Variants in DPP10 observed in about 807,000 individuals in gnomAD.
DPP10 encodes inactive dipeptidyl peptidase 10.
In DPP10, 33 loss-of-function variants were observed where a neutral mutation model predicts 120.9. The ratio of observed to expected loss-of-function variants is 0.27; its 90% CI spans 0.21 to 0.37. The LOEUF (loss-of-function observed/expected upper bound fraction) is 0.37, where lower values mean the gene tolerates loss of function less well. DPP10 is among the 10% of genes least tolerant of loss of function. The pLI is 1.00. For missense variants in DPP10, 816 were observed against 942.8 expected (o/e 0.87, Z 1.76); for synonymous variants, 337 against 326.1 (o/e 1.03, Z -0.36).
chr2:115,368,973 G>A (rs2065239301), intron 3 of DPP10, among the ~76,000 whole-genome samples: 1 of 151,724 alleles, frequency 6.6e-6, no homozygotes, highest in Non-Finnish European at 1.5e-5. Flanking sequence ...ATTTTCTCAA[G>A]AAAATTGACC....
chr2:115,486,147 T>C (rs1449484510), intron 3 of DPP10, among the ~76,000 whole-genome samples: 1 of 152,166 alleles, frequency 6.6e-6, no homozygotes, highest in Non-Finnish European at 1.5e-5. Flanking sequence ...TAAAAAATTA[T>C]TGTCTTTGAC....
chr2:115,488,874 G>C (rs1293122022), intron 3 of DPP10, among the ~76,000 whole-genome samples: 1 of 39,258 alleles, frequency 2.5e-5, no homozygotes, highest in African/African-American at 5.1e-5. Flanking sequence ...AAAACTTAGA[G>C]TATAATAAAA....
At chr2:114,810,803 C>T (rs1685110291) in intron 1 of DPP10, among the ~76,000 whole-genome samples, 1 of 152,178 alleles carries the variant, frequency 6.6e-6, no homozygotes, top group Admixed American at 6.5e-5. Context: ...TCCTCTAAGA[C>T]TCCTCTGCTA....
At chr2:114,726,329 T>C (rs1161123207) in intron 1 of DPP10, among the ~76,000 whole-genome samples, 1 of 152,088 alleles carries the variant, frequency 6.6e-6, no homozygotes, top group South Asian at 2.1e-4. Context: ...TCTCCTCAAA[T>C]TGATGTCCAG....
intron 1 of DPP10, among the ~76,000 whole-genome samples, chr2:115,043,151 G>C (rs115305881): frequency 6.6e-6 from 1 of 151,948 alleles, no homozygotes; most frequent in African/African-American, 2.4e-5. Flanking sequence ...TTTTTTTAGA[G>C]CCTCTGACTG....
intron 1 of DPP10, among the ~76,000 whole-genome samples, chr2:114,805,540 A>G (rs1684650472): frequency 6.6e-6 from 1 of 152,228 alleles, no homozygotes; most frequent in African/African-American, 2.4e-5. Flanking sequence ...AAACACTTTC[A>G]GTACTTAACG....
intron 1 of DPP10, among the ~76,000 whole-genome samples, chr2:114,931,426 G>T (rs1046973831): frequency 4.6e-5 from 7 of 152,164 alleles, no homozygotes; most frequent in Admixed American, 3.3e-4. Context: ...GTGAGGCCAT[G>T]CCTTGCTCTT....
chr2:115,840,311 GTTTTTTGGTTT>G lies in DPP10; in HGVS notation c.2183-432_2183-422del, dbSNP rs1208675941. ...CTTTCTACCTAAAGCCAGATATAAG[GTTTTTTGGTTT>G]TTTTTTTTTTTTTTTTTTTGAGACG... On this transcript the variant is annotated intron_variant, in intron 24 of 25. Transcript: ENST00000410059. Among the ~76,000 whole-genome samples the G allele has an allele frequency of 3.3e-4, 11 of 33,242 alleles. 2 individuals carry two copies. The highest frequency in any genetic ancestry group is 7.2e-4 in the African/African-American group (8 of 11,118). 21.8% of individuals were successfully genotyped at this position (33,242 alleles called of 152,430 possible). A position where few individuals can be genotyped will look rare whatever the true frequency, so the allele number is the denominator to read the frequency against.
chr2:115,467,110 A>T (rs1424862351), intron 3 of DPP10, among the ~76,000 whole-genome samples: 1 of 152,144 alleles, frequency 6.6e-6, no homozygotes, highest in East Asian at 1.9e-4. Flanking sequence ...AGGCGTGGGG[A>T]AAATTTAAGG....
chr2:115,701,594 GACAAATTAGATTTTATCAAA>G (rs1043543677), intron 7 of DPP10, among the ~76,000 whole-genome samples: 6 of 151,992 alleles, frequency 3.9e-5, no homozygotes, highest in African/African-American at 1.4e-4. Context: ...ATTAAAAATT[GACAAATTAGATTTTATCAAA>G]ACTTAAAACT....
intron 4 of DPP10, among the ~76,000 whole-genome samples, chr2:115,506,578 T>A (rs942603139): frequency 7.2e-5 from 11 of 152,220 alleles, no homozygotes; most frequent in South Asian, 2.1e-4. Flanking sequence ...CTTTAGTTTT[T>A]TATATATATA....
intron 1 of DPP10, among the ~76,000 whole-genome samples, chr2:114,552,392 C>T (rs972128496): frequency 2.6e-5 from 4 of 152,272 alleles, no homozygotes; most frequent in East Asian, 3.9e-4. Context: ...ACATCTTCAT[C>T]TCTTAGGGAA....
intron 1 of DPP10, among the ~76,000 whole-genome samples, chr2:114,698,076 A>G (rs1337083035): frequency 2.0e-5 from 3 of 152,138 alleles, no homozygotes; most frequent in African/African-American, 7.2e-5. Flanking sequence ...AAACCCAGGC[A>G]TGTTTTAGTG....
intron 1 of DPP10, among the ~76,000 whole-genome samples, chr2:114,646,564 C>G (rs768845909): frequency 6.6e-6 from 1 of 152,040 alleles, no homozygotes; most frequent in Non-Finnish European, 1.5e-5. Context: ...ACTCTGTTCT[C>G]GAGATGACAG....
At chr2:115,741,996 T>C (rs1345127317) in intron 9 of DPP10, among the ~76,000 whole-genome samples, 1 of 152,188 alleles carries the variant, frequency 6.6e-6, no homozygotes, top group Non-Finnish European at 1.5e-5. Context: ...TATTGCTTAA[T>C]AGTAAAGATA....
intron 1 of DPP10, among the ~76,000 whole-genome samples, chr2:114,702,615 C>G (rs139022908): frequency 6.6e-6 from 1 of 152,140 alleles, no homozygotes; most frequent in Non-Finnish European, 1.5e-5. Context: ...TTTGAAGACA[C>G]TTAAAATGCC....
At chr2:115,240,147 TTC>T (rs1384343865) in intron 1 of DPP10, among the ~76,000 whole-genome samples, 2 of 152,200 alleles carry the variant, frequency 1.3e-5, no homozygotes, top group African/African-American at 4.8e-5. Flanking sequence ...CAAATGATAT[TTC>T]TGGTTGTAGA....
intron 1 of DPP10, among the ~76,000 whole-genome samples, chr2:114,999,903 C>A (rs990073730): frequency 3.3e-5 from 5 of 152,142 alleles, no homozygotes; most frequent in Admixed American, 6.5e-5. Context: ...AAAAGGATCA[C>A]CCTTTAGAAC....
chr2:114,816,561 CT>C (rs1304510076), intron 1 of DPP10, among the ~76,000 whole-genome samples: 5 of 152,160 alleles, frequency 3.3e-5, no homozygotes, highest in Non-Finnish European at 7.3e-5. Context: ...CACCCCATCT[CT>C]TGATTGTGTT....
Sources: gnomAD v4.1 joint callset for allele counts (sites outside exome capture counted in the v4.1 genomes callset) on GRCh38, gnomAD v4.1.1 for gene constraint, MANE v1.5 for transcripts, NCBI Gene and HGNC (gene_info 2026-07-23, HGNC 2026-07-21) for gene names.